The following EVA1C variants were observed in gnomAD, a reference collection of about 807,000 sequenced individuals.
EVA1C encodes eva-1 homolog C.
Under a neutral mutation model 45.4 loss-of-function variants are expected in EVA1C, and 25 were observed. The observed-to-expected ratio is 0.55, with a 90% CI of 0.40 to 0.77. The LOEUF (loss-of-function observed/expected upper bound fraction) is 0.77, where lower values mean the gene tolerates loss of function less well. Ranked by LOEUF, EVA1C falls within the 30% of genes least tolerant of loss-of-function variation. The pLI is 0.00. For missense variants in EVA1C, 479 were observed against 554.8 expected (o/e 0.86, Z 1.37); for synonymous variants, 190 against 221.2 (o/e 0.86, Z 1.25).
At chr21:32,451,250 C>G (rs2035568712) in intron 1 of EVA1C, among the ~76,000 whole-genome samples, 1 of 152,176 alleles carries the variant, frequency 6.6e-6, no homozygotes, top group South Asian at 2.1e-4. Context: ...CTAAGCTGCC[C>G]TCCTTCACGC....
At chr21:32,433,751 T>C (rs1473569772) in intron 1 of EVA1C, among the ~76,000 whole-genome samples, 3 of 152,122 alleles carry the variant, frequency 2.0e-5, no homozygotes, top group Admixed American at 6.5e-5. Flanking sequence ...CTTGGAGTCC[T>C]GACCCCCAGC....
chr21:32,463,557 C>T (rs1289712543), intron 3 of EVA1C, among the ~76,000 whole-genome samples: 11 of 152,222 alleles, frequency 7.2e-5, no homozygotes, highest in East Asian at 1.9e-4. Flanking sequence ...CAGGCCCCTC[C>T]GTTCCAGGAG....
intron 4 of EVA1C, among the ~76,000 whole-genome samples, chr21:32,492,781 G>T (rs1488585039): frequency 6.6e-6 from 1 of 151,510 alleles, no homozygotes; most frequent in African/African-American, 2.4e-5. Flanking sequence ...TCATCTCTCA[G>T]TAGCACCACT....
intron 2 of EVA1C, among the ~76,000 whole-genome samples, chr21:32,454,126 G>A (rs1030804905): frequency 6.6e-6 from 1 of 152,156 alleles, no homozygotes; most frequent in Non-Finnish European, 1.5e-5. Flanking sequence ...CTACTTGGGA[G>A]GCTGAGGCAG....
intron 7 of EVA1C, among the ~76,000 whole-genome samples, chr21:32,506,762 A>T (rs1032373778): frequency 2.0e-5 from 3 of 152,180 alleles, no homozygotes; most frequent in African/African-American, 7.2e-5. Context: ...CCAAACAGGC[A>T]GTGGCCACCA....
intron 7 of EVA1C, among the ~76,000 whole-genome samples, chr21:32,511,344 G>A (rs564178625): frequency 6.6e-6 from 1 of 150,424 alleles, no homozygotes; most frequent in East Asian, 2.0e-4. Context: ...AACCTGGGGT[G>A]GGGGGCGGAG....
At chr21:32,422,531 C>T (rs1219855329) in intron 1 of EVA1C, among the ~76,000 whole-genome samples, 1 of 152,112 alleles carries the variant, frequency 6.6e-6, no homozygotes, top group Non-Finnish European at 1.5e-5. Flanking sequence ...ATGTGTCATA[C>T]TGAAACTGTA....
At chr21:32,424,619 T>C (rs552718105) in intron 1 of EVA1C, among the ~76,000 whole-genome samples, 1 of 152,296 alleles carries the variant, frequency 6.6e-6, no homozygotes, top group African/African-American at 2.4e-5. Flanking sequence ...GCAAAATGTT[T>C]TGTGGACAGG....
At chr21:32,498,407 AC>A (rs2037422114) in intron 5 of EVA1C, among the ~76,000 whole-genome samples, 1 of 150,234 alleles carries the variant, frequency 6.7e-6, no homozygotes, top group Admixed American at 6.7e-5. Context: ...AGATCTCGTC[AC>A]TGCTTGGGTG....
chr21:32,505,459 G>C (rs566993202), intron 7 of EVA1C, among the ~76,000 whole-genome samples: 1 of 152,312 alleles, frequency 6.6e-6, no homozygotes, highest in Admixed American at 6.5e-5. Context: ...CCTCCAGACA[G>C]AGAATAACGA....
At chr21:32,455,639 C>T (rs891572052) in intron 2 of EVA1C, among the ~76,000 whole-genome samples, 1 of 152,128 alleles carries the variant, frequency 6.6e-6, no homozygotes, top group African/African-American at 2.4e-5. Context: ...CCAGTACCAA[C>T]ATTTTTTTAA....
chr21:32,496,839 G>A, intron 5 of EVA1C: 1 of 870,398 alleles, frequency 1.1e-6, no homozygotes, highest in Non-Finnish European at 2.0e-6. Flanking sequence ...GAGACCAGGT[G>A]ACTGGCATAG....
intron 7 of EVA1C, among the ~76,000 whole-genome samples, chr21:32,507,895 ATGTG>A (rs915185692): frequency 1.5e-4 from 20 of 129,386 alleles, no homozygotes; most frequent in East Asian, 5.9e-4. Context: ...GTATCTGTGC[ATGTG>A]TGTATCTGTG....
intron 4 of EVA1C, among the ~76,000 whole-genome samples, chr21:32,493,440 G>A (rs1760745139): frequency 1.3e-5 from 2 of 151,906 alleles, no homozygotes; most frequent in South Asian, 2.1e-4. Context: ...CTACTCATTC[G>A]CTGTGGTCGC....
intron 2 of EVA1C, among the ~76,000 whole-genome samples, chr21:32,454,971 C>A (rs1163162496): frequency 6.6e-6 from 1 of 152,154 alleles, no homozygotes; most frequent in Non-Finnish European, 1.5e-5. Flanking sequence ...TGAGGAGAGA[C>A]AACATGTTTC....
At chr21:32,492,579 T>C (rs1356799420) in intron 4 of EVA1C, among the ~76,000 whole-genome samples, 1 of 152,132 alleles carries the variant, frequency 6.6e-6, no homozygotes, top group Non-Finnish European at 1.5e-5. Flanking sequence ...CTTCATACTC[T>C]CCCTGACCTA....
chr21:32,486,133 T>A (rs1018191209), intron 4 of EVA1C, among the ~76,000 whole-genome samples: 2 of 152,234 alleles, frequency 1.3e-5, no homozygotes, highest in Non-Finnish European at 2.9e-5. Context: ...TTCTTTTTTT[T>A]CTTTCTTGAG....
intron 1 of EVA1C, among the ~76,000 whole-genome samples, chr21:32,439,239 C>CAAAAAAAAAAAAAAA: frequency 9.0e-6 from 1 of 110,766 alleles, no homozygotes; most frequent in East Asian, 2.8e-4. Context: ...GACTACATCT[C>CAAAAAAAAAAAAAAA]AAAAAAAAAG....
chr21:32,450,199 G>A (rs1159396126), intron 1 of EVA1C, among the ~76,000 whole-genome samples: 3 of 152,180 alleles, frequency 2.0e-5, no homozygotes, highest in African/African-American at 7.2e-5. Context: ...ATGGTCTGGA[G>A]GAGGTCAAGT....
Sources: gnomAD v4.1 joint callset for allele counts (sites outside exome capture counted in the v4.1 genomes callset) on GRCh38, gnomAD v4.1.1 for gene constraint, MANE v1.5 for transcripts, NCBI Gene and HGNC (gene_info 2026-07-23, HGNC 2026-07-21) for gene names.